MRPS28: variants seen among roughly 807,000 people sequenced by gnomAD.
MRPS28 encodes the protein small ribosomal subunit protein bS1m.
MRPS28 carries 7 observed loss-of-function variants against 10.8 expected under a neutral mutation model. The ratio of observed to expected loss-of-function variants is 0.65; its 90% CI spans 0.37 to 1.22. The LOEUF (loss-of-function observed/expected upper bound fraction) is 1.22, where lower values mean the gene tolerates loss of function less well. Ranked by LOEUF, MRPS28 falls within the 50% of genes most tolerant of loss-of-function variation. MRPS28 has a pLI of 0.02. For synonymous variants in MRPS28, 121 were observed against 93.3 expected (o/e 1.30, Z -1.71); for missense variants, 265 against 232.9 (o/e 1.14, Z -0.90).
intron 2 of MRPS28, among the ~76,000 whole-genome samples, chr8:79,930,339 G>A (rs1296502078): frequency 1.3e-5 from 2 of 152,132 alleles, no homozygotes; most frequent in African/African-American, 2.4e-5. Flanking sequence ...CTGTTCCCGT[G>A]TTACTCTTTA....
At chr8:79,983,050 C>A (rs1210016958) in intron 2 of MRPS28, among the ~76,000 whole-genome samples, 2 of 149,388 alleles carry the variant, frequency 1.3e-5, no homozygotes, top group Non-Finnish European at 1.5e-5. Flanking sequence ...ACACCTCACA[C>A]GGCCAGGTAC....
chr8:79,973,688 G>T (rs1292590409), intron 2 of MRPS28, among the ~76,000 whole-genome samples: 2 of 152,004 alleles, frequency 1.3e-5, no homozygotes, highest in Non-Finnish European at 2.9e-5. Flanking sequence ...AGAAAATTTG[G>T]CCAAGTATCA....
intron 2 of MRPS28, among the ~76,000 whole-genome samples, chr8:79,988,142 A>G (rs866293397): frequency 1.8e-4 from 28 of 151,730 alleles, no homozygotes; most frequent in Non-Finnish European, 1.3e-4. Flanking sequence ...TGAAACTGGA[A>G]ATCATCATTC....
At chr8:79,975,566 A>G (rs1807773688) in intron 2 of MRPS28, among the ~76,000 whole-genome samples, 2 of 152,240 alleles carry the variant, frequency 1.3e-5, no homozygotes, top group African/African-American at 4.8e-5. Flanking sequence ...CAAAAGACTA[A>G]TGAGCAACCA....
Position 79,919,035 on chromosome 8 carries a change from A to T in MRPS28, c.509T>A (p.Leu170Ter). The T allele has an allele frequency of 6.2e-7, 1 of 1,600,220 alleles. No individual in the cohort carries two copies. Among genetic ancestry groups the T allele is most frequent in the Non-Finnish European group, 8.5e-7 (1 of 1,174,616 alleles). Residue 170 changes from leucine to a stop codon, truncating the protein, a stop_gained, in exon 3 of 3, where the codon TTG becomes TAG. Coordinates refer to ENST00000276585, the MANE Select transcript of MRPS28 (RefSeq NM_014018.3). LOFTEE classifies it high-confidence loss of function. ...TTVLEANAVL[L>*]GIQESKDSRS... is the part of the protein sequence containing the mutation. ...TGAGTCTTTACTCTCCTGGATTCCC[A>T]AGAGAACTGCATTAGCCTCTAGTAC...
intron 1 of MRPS28, among the ~76,000 whole-genome samples, chr8:80,016,887 A>C (rs1809211258): frequency 6.6e-6 from 1 of 152,208 alleles, no homozygotes; most frequent in Non-Finnish European, 1.5e-5. Context: ...AGAAAAGGAC[A>C]GATCCAGCAG....
chr8:79,918,950 A>C lies in MRPS28; in HGVS notation c.*30T>G. 6.9e-7 allele frequency: 1 copy of C among 1,448,546 alleles called. No individual in the cohort carries two copies. Among genetic ancestry groups the C allele is most frequent in the Non-Finnish European group, 9.2e-7 (1 of 1,092,568 alleles). 89.7% of individuals were successfully genotyped at this position (1,448,546 alleles called of 1,614,324 possible). A position where few individuals can be genotyped will look rare whatever the true frequency, so the allele number is the denominator to read the frequency against. On this transcript the variant is annotated 3_prime_UTR_variant, in exon 3 of 3. Coordinates refer to ENST00000276585, the MANE Select transcript of MRPS28 (RefSeq NM_014018.3). ...TTCTTGATGAATAACTGACTTCAGC[A>C]AAGGAGTCAATCCACTAAGCAAAGT...
In MRPS28 at chr8:79,934,686, T is replaced by C. The variant is rs139223290; in HGVS notation, c.396-15538A>G. ...TATATATGTTAAACATTTCACAACATAGTATTTATATTTAAACAAAAAAGC... is the reference window on the plus strand; with the variant it reads ...TATATATGTTAAACATTTCACAACACAGTATTTATATTTAAACAAAAAAGC... On this transcript the variant is annotated intron_variant, in intron 2 of 2. Transcript: ENST00000276585. Among the ~76,000 whole-genome samples the C allele has an allele frequency of 5.8e-4, 89 of 152,324 alleles. No individual in the cohort carries two copies. The East Asian group carries it at 0.012, about 20-fold the overall frequency.
intron 2 of MRPS28, among the ~76,000 whole-genome samples, chr8:79,939,089 T>A (rs1806687691): frequency 6.6e-6 from 1 of 152,192 alleles, no homozygotes; most frequent in Non-Finnish European, 1.5e-5. Context: ...CCAAACTCCT[T>A]AAGACTGGGT....
intron 2 of MRPS28, 78 bp from the exon 3 acceptor site, chr8:79,919,226 A>T: frequency 2.7e-6 from 3 of 1,127,588 alleles, no homozygotes; most frequent in Non-Finnish European, 3.5e-6. Flanking sequence ...CAACAACCAA[A>T]TTCCAATTTT....
At chr8:80,008,374 A>G (rs1484933825) in intron 1 of MRPS28, among the ~76,000 whole-genome samples, 2 of 134,998 alleles carry the variant, frequency 1.5e-5, no homozygotes, top group African/African-American at 2.6e-5. Context: ...CAAGGACTTC[A>G]TGTCTAAAAC....
At chr8:79,947,788 C>T (rs1413723789) in intron 2 of MRPS28, among the ~76,000 whole-genome samples, 1 of 151,114 alleles carries the variant, frequency 6.6e-6, no homozygotes, top group African/African-American at 2.4e-5. Flanking sequence ...GTGCCTACCA[C>T]TACGCCCGGC....
chr8:79,958,265 AT>A lies in MRPS28; in HGVS notation c.396-39118del, dbSNP rs1807280186. 7.8e-6 allele frequency: 5 copies of A among 637,532 alleles called. No homozygotes were observed. In the South Asian group the frequency reaches 9.2e-5, roughly 12 times the overall value. 39.5% of individuals were successfully genotyped at this position (637,532 alleles called of 1,614,324 possible). A position where few individuals can be genotyped will look rare whatever the true frequency, so the allele number is the denominator to read the frequency against. The stretch of plus-strand genomic sequence containing the variant: ...TATAAATGGAATCATACAATATATG[AT>A]CTTTTGTGAATGGCTTCTTTCATTT... On this transcript the variant is annotated intron_variant, in intron 2 of 2. Transcript: ENST00000276585.
chr8:79,929,003 G>A (rs1806385398), intron 2 of MRPS28, among the ~76,000 whole-genome samples: 1 of 152,110 alleles, frequency 6.6e-6, no homozygotes, highest in Admixed American at 6.5e-5. Flanking sequence ...CCGAGATTTT[G>A]CTACTGCACT....
intron 1 of MRPS28, among the ~76,000 whole-genome samples, chr8:80,011,313 A>C (rs989124677): frequency 2.5e-4 from 38 of 151,722 alleles, no homozygotes; most frequent in Non-Finnish European, 3.8e-4. Flanking sequence ...GGTCCTGCCC[A>C]CTTTCCCTAT....
At chr8:79,964,239 T>C (rs1290915587) in intron 2 of MRPS28, among the ~76,000 whole-genome samples, 3 of 152,080 alleles carry the variant, frequency 2.0e-5, no homozygotes, top group Non-Finnish European at 4.4e-5. Flanking sequence ...TGGCTTTGCT[T>C]GTTGTGTGTA....
At chr8:79,980,094 T>TA (rs1272658870) in intron 2 of MRPS28, among the ~76,000 whole-genome samples, 1 of 152,180 alleles carries the variant, frequency 6.6e-6, no homozygotes, top group Non-Finnish European at 1.5e-5. Flanking sequence ...TAAAGCATAG[T>TA]ATCTGTCTGA....
chr8:80,011,571 C>A (rs141907335), intron 1 of MRPS28, among the ~76,000 whole-genome samples: 2 of 151,780 alleles, frequency 1.3e-5, no homozygotes, highest in Admixed American at 1.3e-4. Flanking sequence ...CTGGCCAACA[C>A]GGTGAAACCC....
chr8:79,944,036 C>T (rs941095752), intron 2 of MRPS28, among the ~76,000 whole-genome samples: 2 of 152,290 alleles, frequency 1.3e-5, no homozygotes, highest in Non-Finnish European at 2.9e-5. Context: ...TGACCCTTTG[C>T]TAATCATCAT....
Sources: allele counts gnomAD v4.1 joint callset (sites outside exome capture counted in the v4.1 genomes callset), GRCh38; gene constraint gnomAD v4.1.1; transcripts MANE v1.5; gene names NCBI Gene and HGNC (gene_info 2026-07-23, HGNC 2026-07-21).